LINGO2: variants seen among roughly 807,000 people sequenced by gnomAD.
LINGO2 encodes leucine rich repeat and Ig domain containing 2.
LINGO2 carries 14 observed loss-of-function variants against 30.6 expected under a neutral mutation model. That is an observed-to-expected ratio of 0.46 (90% CI 0.30 to 0.72). LINGO2 has a LOEUF of 0.72. Ranked by LOEUF, LINGO2 falls within the 30% of genes least tolerant of loss-of-function variation. The pLI, the probability that LINGO2 is intolerant of heterozygous loss-of-function variation, is 0.07. For synonymous variants in LINGO2, 317 were observed against 288.5 expected (o/e 1.10, Z -1.00); for missense variants, 729 against 751.7 (o/e 0.97, Z 0.35).
At chr9:28,630,993 T>C (rs985189536) in intron 1 of LINGO2, among the ~76,000 whole-genome samples, 6 of 151,906 alleles carry the variant, frequency 3.9e-5, no homozygotes, top group Admixed American at 1.3e-4. Context: ...ATGTTACCAT[T>C]GGAGAAAACT....
the LINGO2 span, among the ~76,000 whole-genome samples, chr9:28,767,576 G>C: frequency 6.6e-6 from 1 of 151,894 alleles, no homozygotes; most frequent in African/African-American, 2.4e-5. Flanking sequence ...ACGAGGTCAG[G>C]AGATCGAGAC....
At chr9:28,632,588 T>C (rs959162444) in intron 1 of LINGO2, among the ~76,000 whole-genome samples, 19 of 144,778 alleles carry the variant, frequency 1.3e-4, no homozygotes, top group Middle Eastern at 3.7e-3. Context: ...TATGTCGATA[T>C]ATGTAAATAT....
the LINGO2 span, among the ~76,000 whole-genome samples, chr9:28,876,299 T>G: frequency 6.6e-6 from 1 of 152,104 alleles, no homozygotes; most frequent in Admixed American, 6.6e-5. Context: ...GTGCACAATG[T>G]GCAGGTTAGT....
At chr9:28,405,513 T>A (rs2134772145) in intron 2 of LINGO2, among the ~76,000 whole-genome samples, 1 of 152,282 alleles carries the variant, frequency 6.6e-6, no homozygotes, top group Non-Finnish European at 1.5e-5. Context: ...TGTAGGTAGC[T>A]TTTCCTCCAT....
At chr9:28,812,153 C>A in the LINGO2 span, among the ~76,000 whole-genome samples, 1 of 151,714 alleles carries the variant, frequency 6.6e-6, no homozygotes, top group South Asian at 2.1e-4. Context: ...ATAAATACAT[C>A]TTTGCTAGAA....
At chr9:28,913,132 T>C in the LINGO2 span, among the ~76,000 whole-genome samples, 1 of 152,126 alleles carries the variant, frequency 6.6e-6, no homozygotes, top group Non-Finnish European at 1.5e-5. Flanking sequence ...CCAAACTAAA[T>C]GATCTGTTCA....
the LINGO2 span, among the ~76,000 whole-genome samples, chr9:28,769,586 T>C: frequency 1.1e-4 from 16 of 142,286 alleles, no homozygotes; most frequent in African/African-American, 3.7e-4. Context: ...AGTTCATAGG[T>C]TTATTCAAAA....
the LINGO2 span, among the ~76,000 whole-genome samples, chr9:29,120,870 C>A: frequency 6.6e-6 from 1 of 152,050 alleles, no homozygotes; most frequent in Non-Finnish European, 1.5e-5. Context: ...GTTATAAGAA[C>A]TATATAAGGT....
intron 1 of LINGO2, among the ~76,000 whole-genome samples, chr9:28,632,573 C>A (rs1337074145): frequency 6.9e-6 from 1 of 144,542 alleles, no homozygotes; most frequent in Non-Finnish European, 1.5e-5. Context: ...TCTCGATATA[C>A]TATATATGTC....
At chr9:28,711,454 A>G in the LINGO2 span, among the ~76,000 whole-genome samples, 2 of 152,266 alleles carry the variant, frequency 1.3e-5, no homozygotes, top group South Asian at 2.1e-4. Flanking sequence ...AGTACTCAGT[A>G]TTCCCTCTCA....
At chr9:27,968,433 A>G (rs919652841) in intron 5 of LINGO2, among the ~76,000 whole-genome samples, 1 of 152,084 alleles carries the variant, frequency 6.6e-6, no homozygotes, top group Non-Finnish European at 1.5e-5. Flanking sequence ...TATAAAAAAG[A>G]TATTAAGTGA....
chr9:27,997,981 CA>C (rs1821754464), intron 5 of LINGO2, among the ~76,000 whole-genome samples: 2 of 151,986 alleles, frequency 1.3e-5, no homozygotes, highest in Non-Finnish European at 1.5e-5. Context: ...AGGTGGACAC[CA>C]GTCTGAATTA....
chr9:29,084,191 C>CA, the LINGO2 span, among the ~76,000 whole-genome samples: 14 of 151,812 alleles, frequency 9.2e-5, no homozygotes, highest in Middle Eastern at 6.8e-3. Context: ...GATTATTCTA[C>CA]AAAAAAATGT....
chr9:28,560,675 A>G (rs559059508), intron 1 of LINGO2, among the ~76,000 whole-genome samples: 49 of 151,898 alleles, frequency 3.2e-4, no homozygotes, highest in Admixed American at 9.2e-4. Flanking sequence ...ATTTATTTAT[A>G]TATTTTTTTG....
intron 3 of LINGO2, among the ~76,000 whole-genome samples, chr9:28,314,638 T>C (rs1343498385): frequency 6.6e-6 from 1 of 152,206 alleles, no homozygotes; most frequent in Non-Finnish European, 1.5e-5. Flanking sequence ...TCCATCATGT[T>C]ATTTCACATT....
intron 2 of LINGO2, among the ~76,000 whole-genome samples, chr9:28,448,879 A>G (rs1341388555): frequency 1.3e-5 from 2 of 152,006 alleles, no homozygotes; most frequent in African/African-American, 2.4e-5. Context: ...AGTTTGACTA[A>G]AATGTAGGAC....
chr9:29,109,762 T>C, the LINGO2 span, among the ~76,000 whole-genome samples: 4 of 152,350 alleles, frequency 2.6e-5, no homozygotes, highest in East Asian at 7.7e-4. Context: ...TAGAAATGTA[T>C]ACATTAGAGA....
chr9:28,065,032 T>G (rs1197921563), intron 4 of LINGO2, among the ~76,000 whole-genome samples: 7 of 151,564 alleles, frequency 4.6e-5, no homozygotes, highest in African/African-American at 1.7e-4. Flanking sequence ...TTCCTACACA[T>G]GCTGCTTGAG....
chr9:28,291,055 C>G (rs1823710311), intron 4 of LINGO2, among the ~76,000 whole-genome samples: 1 of 152,158 alleles, frequency 6.6e-6, no homozygotes, highest in Non-Finnish European at 1.5e-5. Flanking sequence ...CTCCAGTTGT[C>G]CACTTAATGA....
Sources: gnomAD v4.1 joint callset for allele counts (sites outside exome capture counted in the v4.1 genomes callset) on GRCh38, gnomAD v4.1.1 for gene constraint, MANE v1.5 for transcripts, NCBI Gene and HGNC (gene_info 2026-07-23, HGNC 2026-07-21) for gene names.